Variants in FOXN3 observed in about 807,000 individuals in gnomAD.
The protein encoded by FOXN3 is forkhead box N3.
In FOXN3, 7 loss-of-function variants were observed where a neutral mutation model predicts 38.4. The ratio of observed to expected loss-of-function variants is 0.18; its 90% CI spans 0.10 to 0.34. The LOEUF is 0.34. Ranked by LOEUF, FOXN3 falls within the 10% of genes least tolerant of loss-of-function variation. The pLI is 1.00. For missense variants in FOXN3, 456 were observed against 613.4 expected (o/e 0.74, Z 2.71); for synonymous variants, 230 against 242.2 (o/e 0.95, Z 0.47).
At chr14:89,382,849 T>C (rs373863432) in intron 2 of FOXN3, among the ~76,000 whole-genome samples, 109 of 152,194 alleles carry the variant, frequency 7.2e-4, no homozygotes, top group African/African-American at 2.5e-3. Context: ...GATGATGACA[T>C]GTACGTGAAA....
rs551317538 is a variant in FOXN3, at chr14:89,499,692, G to A, written c.-14-87202C>T. Among the ~76,000 whole-genome samples, 22 of 152,206 alleles carry A rather than the reference G, an allele frequency of 1.4e-4. No individual in the cohort carries two copies. The South Asian group carries it at 1.9e-3, about 13-fold the overall frequency. On this transcript the variant is annotated intron_variant, in intron 1 of 6. Coordinates refer to the FOXN3 transcript ENST00000345097. ...CGAGAGGAACTGGTTTTAAAGACTC[G>A]TTTACGTGTAATTTTCATTTTTTTG...
chr14:89,468,685 C>G (rs1893033882), intron 1 of FOXN3, among the ~76,000 whole-genome samples: 1 of 152,104 alleles, frequency 6.6e-6, no homozygotes. Context: ...TCTTCGTACC[C>G]CCTCCCTATC....
chr14:89,232,899 T>G (rs568736953), intron 4 of FOXN3, among the ~76,000 whole-genome samples: 3 of 152,142 alleles, frequency 2.0e-5, no homozygotes, highest in Non-Finnish European at 4.4e-5. Flanking sequence ...CAGGAAGCAT[T>G]TGCACTGAGA....
At chr14:89,485,237 T>C (rs1161479393) in intron 1 of FOXN3, among the ~76,000 whole-genome samples, 1 of 149,542 alleles carries the variant, frequency 6.7e-6, no homozygotes, top group African/African-American at 2.5e-5. Flanking sequence ...GAGTGAGGGG[T>C]GGACAGGATC....
intron 1 of FOXN3, among the ~76,000 whole-genome samples, chr14:89,487,575 C>T (rs1893475265): frequency 6.6e-6 from 1 of 152,176 alleles, no homozygotes; most frequent in African/African-American, 2.4e-5. Flanking sequence ...TTTATCCACC[C>T]ATACAAAGAC....
intron 1 of FOXN3, among the ~76,000 whole-genome samples, chr14:89,506,488 T>A (rs561312831): frequency 4.4e-4 from 63 of 141,846 alleles, no homozygotes; most frequent in Non-Finnish European, 6.9e-4. Context: ...AGCCGCCCCG[T>A]CCGGGAGGGA....
At chr14:89,244,104 A>G (rs1885221028) in intron 4 of FOXN3, among the ~76,000 whole-genome samples, 1 of 152,250 alleles carries the variant, frequency 6.6e-6, no homozygotes, top group Non-Finnish European at 1.5e-5. Context: ...TTCAATCTTA[A>G]TACTAGAGAT....
At chr14:89,600,241 C>T (rs1189008782) in intron 1 of FOXN3, among the ~76,000 whole-genome samples, 1 of 152,194 alleles carries the variant, frequency 6.6e-6, no homozygotes, top group African/African-American at 2.4e-5. Flanking sequence ...GTAGACACTA[C>T]TAGTGATTAC....
intron 1 of FOXN3, among the ~76,000 whole-genome samples, chr14:89,595,311 C>T (rs372705282): frequency 2.2e-4 from 34 of 151,476 alleles, no homozygotes; most frequent in African/African-American, 6.3e-4. Flanking sequence ...GGCAATTGAG[C>T]GAGATTCCAT....
chr14:89,444,007 CA>C (rs569571116), intron 1 of FOXN3, among the ~76,000 whole-genome samples: 951 of 67,558 alleles, frequency 0.014, 4 homozygotes, highest in African/African-American at 0.024. Flanking sequence ...GAAACTCTGT[CA>C]AAAAAAAAAA....
At chr14:89,524,468 T>A (rs958283702) in intron 1 of FOXN3, among the ~76,000 whole-genome samples, 2 of 99,230 alleles carry the variant, frequency 2.0e-5, no homozygotes, top group African/African-American at 3.6e-5. Flanking sequence ...AAGTAAATAA[T>A]AGAATGGAAA....
At chr14:89,229,960 C>T (rs954370720) in intron 4 of FOXN3, among the ~76,000 whole-genome samples, 3 of 152,240 alleles carry the variant, frequency 2.0e-5, no homozygotes, top group African/African-American at 7.2e-5. Context: ...AATGGCCCCA[C>T]TGGCCTCTTA....
At chr14:89,487,554 T>C (rs1386642006) in intron 1 of FOXN3, among the ~76,000 whole-genome samples, 5 of 152,208 alleles carry the variant, frequency 3.3e-5, no homozygotes. Context: ...TGATATACCT[T>C]AGATCATTAA....
intron 3 of FOXN3, among the ~76,000 whole-genome samples, chr14:89,336,137 TACACACACACACAC>T (rs34950734): frequency 0.023 from 3,235 of 140,124 alleles, 95 homozygotes; most frequent in African/African-American, 0.078. Flanking sequence ...AAGTGATCCT[TACACACACACACAC>T]ACACACACAC....
At chr14:89,190,528 GT>G in intron 4 of FOXN3, 1 of 1,183,932 alleles carries the variant, frequency 8.4e-7, no homozygotes, top group Non-Finnish European at 1.2e-6. Flanking sequence ...GCAAGTTACA[GT>G]TTATGAATGC....
chr14:89,480,981 T>G (rs1317740762), intron 1 of FOXN3, among the ~76,000 whole-genome samples: 2 of 152,132 alleles, frequency 1.3e-5, no homozygotes, highest in Non-Finnish European at 2.9e-5. Context: ...TTTTGAACAC[T>G]GATTAGGAAG....
At chr14:89,406,113 AT>A (rs1891382126) in intron 2 of FOXN3, among the ~76,000 whole-genome samples, 1 of 152,046 alleles carries the variant, frequency 6.6e-6, no homozygotes, top group South Asian at 2.1e-4. Context: ...TGCCCAGCTA[AT>A]TTTTTTATCT....
chr14:89,239,520 T>A (rs959931252), intron 4 of FOXN3, among the ~76,000 whole-genome samples: 1 of 152,202 alleles, frequency 6.6e-6, no homozygotes, highest in East Asian at 1.9e-4. Flanking sequence ...AAGAAAATTA[T>A]AGAGTCACAA....
rs920248172 is a variant in FOXN3 at position 89,548,539 on chromosome 14, G to A, written c.-15+70489C>T. 4.6e-5 allele frequency among the ~76,000 whole-genome samples: 7 copies of A among 152,102 alleles called. No homozygotes were observed. Among genetic ancestry groups the A allele is most frequent in the African/African-American group, 1.7e-4 (7 of 41,408 alleles). Reference sequence around the variant, plus strand: ...TCTATTCTTAATTCCATTTAGCTTAGGCTATTAAGACTAATTTATGTTTCA... The same window carrying A: ...TCTATTCTTAATTCCATTTAGCTTAAGCTATTAAGACTAATTTATGTTTCA... On this transcript the variant is annotated intron_variant, in intron 1 of 6. Transcript: ENST00000345097. The surrounding 1 kb of genome is among the most constrained non-coding windows in gnomAD (Gnocchi z 4.8).
Sources: gnomAD v4.1 joint callset for allele counts (sites outside exome capture counted in the v4.1 genomes callset) on GRCh38, gnomAD v4.1.1 for gene constraint, Gnocchi (gnomAD v3.1) non-coding constraint, MANE v1.5 for transcripts, NCBI Gene and HGNC (gene_info 2026-07-23, HGNC 2026-07-21) for gene names.